Variants in RPH3A observed in about 807,000 individuals in gnomAD.
The protein encoded by RPH3A is rabphilin 3A.
In RPH3A, 48 loss-of-function variants were observed where a neutral mutation model predicts 102.2. The observed-to-expected ratio is 0.47, with a 90% CI of 0.37 to 0.60. The LOEUF is 0.60. Among genes scored for constraint, RPH3A ranks in the 20% least tolerant of loss-of-function variants. The pLI, the probability that RPH3A is intolerant of heterozygous loss-of-function variation, is 0.00. For missense variants in RPH3A, 781 were observed against 910.1 expected (o/e 0.86, Z 1.83); for synonymous variants, 310 against 324.3 (o/e 0.96, Z 0.47).
chr12:112,820,770 C>G (rs1274331757), intron 2 of RPH3A, among the ~76,000 whole-genome samples: 1 of 152,194 alleles, frequency 6.6e-6, no homozygotes, highest in Non-Finnish European at 1.5e-5. Context: ...ACTTTAAAAT[C>G]TGTGAAATGG....
chr12:112,592,031 C>A (rs938806271), intron 1 of RPH3A, among the ~76,000 whole-genome samples: 2 of 152,060 alleles, frequency 1.3e-5, no homozygotes, highest in Admixed American at 1.3e-4. Flanking sequence ...TAAATCACTT[C>A]GAGATTATTT....
chr12:112,713,123 G>T (rs1231617293), intron 1 of RPH3A, among the ~76,000 whole-genome samples: 1 of 136,868 alleles, frequency 7.3e-6, no homozygotes, highest in African/African-American at 2.8e-5. Flanking sequence ...GTAGAGAAAG[G>T]GTCTCACCAT....
chr12:112,842,535 C>G (rs2042163282), intron 4 of RPH3A, among the ~76,000 whole-genome samples: 1 of 152,174 alleles, frequency 6.6e-6, no homozygotes, highest in African/African-American at 2.4e-5. Flanking sequence ...TCCTGCGTCC[C>G]CTCTCTTAGG....
In RPH3A at chr12:112,585,854, C is replaced by T. The variant is rs929356613; in HGVS notation, c.-140+10535C>T. On this transcript the variant is annotated intron_variant, in intron 1 of 21. Coordinates refer to the RPH3A transcript ENST00000543106. ...GTTGAGATTCAATAAGGACCAAGAGCCCTCTAGATAAGTAGAACTCAAACT... is the reference window on the plus strand; with the variant it reads ...GTTGAGATTCAATAAGGACCAAGAGTCCTCTAGATAAGTAGAACTCAAACT... Among the ~76,000 whole-genome samples, 5 of 152,144 alleles carry T rather than the reference C, an allele frequency of 3.3e-5. No individual in the cohort carries two copies. The East Asian group carries it at 5.8e-4, about 18-fold the overall frequency.
intron 1 of RPH3A, among the ~76,000 whole-genome samples, chr12:112,669,073 G>T (rs2040109643): frequency 1.3e-5 from 2 of 152,172 alleles, no homozygotes; most frequent in African/African-American, 4.8e-5. Context: ...ATGATAACCA[G>T]AGTTGCTGGG....
At chr12:112,871,340 A>G (rs1260015301) in intron 10 of RPH3A, among the ~76,000 whole-genome samples, 1 of 152,202 alleles carries the variant, frequency 6.6e-6, no homozygotes, top group Non-Finnish European at 1.5e-5. Flanking sequence ...TATCCATTAA[A>G]TAATTCCACA....
intron 1 of RPH3A, among the ~76,000 whole-genome samples, chr12:112,628,878 G>T (rs958775899): frequency 6.6e-6 from 1 of 152,140 alleles, no homozygotes. Flanking sequence ...GAGGGAAAAA[G>T]CAGGGAGACC....
Position 112,868,523 on chromosome 12 carries a change from C to A in RPH3A, c.538C>A (p.Pro180Thr), listed in dbSNP as rs1319310664. 14 of 1,614,056 alleles carry A rather than the reference C, an allele frequency of 8.7e-6. No individual in the cohort carries two copies. The highest frequency in any genetic ancestry group is 1.1e-5 in the Non-Finnish European group (13 of 1,180,034). ...MPIKKTKPQQ[P>T]VSEPAAPEQP... ...TATAAAGAAGACCAAGCCCCAGCAGCCTGTCAGTGAGCCTGCTGCCCCTGA... is the reference window on the plus strand; with the variant it reads ...TATAAAGAAGACCAAGCCCCAGCAGACTGTCAGTGAGCCTGCTGCCCCTGA... Residue 180 changes from proline to threonine, a missense_variant, in exon 8 of 22, where the codon CCT becomes ACT. Around this residue, in one of 2 missense-constraint regions of RPH3A, gnomAD observed 730 missense variants for 810.0 expected, o/e 0.90. Coordinates refer to ENST00000389385, the MANE Select transcript of RPH3A (RefSeq NM_001143854.2).
At chr12:112,781,240 C>T (rs1332072658) in intron 1 of RPH3A, among the ~76,000 whole-genome samples, 1 of 152,146 alleles carries the variant, frequency 6.6e-6, no homozygotes, top group Non-Finnish European at 1.5e-5. Context: ...TCCTCTGGAA[C>T]TTACCTGGTT....
intron 5 of RPH3A, among the ~76,000 whole-genome samples, chr12:112,861,484 G>T (rs114982687): frequency 0.013 from 1,997 of 152,294 alleles, 49 homozygotes; most frequent in African/African-American, 0.044. Context: ...AGGTTGGCCT[G>T]TTCAAGGCGA....
At chr12:112,748,804 T>G (rs2040765178) in intron 1 of RPH3A, among the ~76,000 whole-genome samples, 1 of 152,184 alleles carries the variant, frequency 6.6e-6, no homozygotes, top group Non-Finnish European at 1.5e-5. Context: ...TGCCACCAGA[T>G]GTTGACACAC....
At chr12:112,588,400 G>A (rs775645427) in intron 1 of RPH3A, among the ~76,000 whole-genome samples, 24 of 152,274 alleles carry the variant, frequency 1.6e-4, no homozygotes, top group Middle Eastern at 3.4e-3. Context: ...AAGAAAGTGC[G>A]TGCAGGGGAA....
At chr12:112,679,545 C>A (rs1049841938) in intron 1 of RPH3A, among the ~76,000 whole-genome samples, 1 of 152,210 alleles carries the variant, frequency 6.6e-6, no homozygotes, top group African/African-American at 2.4e-5. Context: ...CCTGCCTCAA[C>A]CTCCTGAGTA....
chr12:112,807,420 G>A (rs1197862205), intron 2 of RPH3A, among the ~76,000 whole-genome samples: 1 of 152,144 alleles, frequency 6.6e-6, no homozygotes, highest in Admixed American at 6.5e-5. Flanking sequence ...CAGATGTGGG[G>A]CCCCTTCCTG....
At chr12:112,796,833 T>C (rs1593009055) in intron 2 of RPH3A, among the ~76,000 whole-genome samples, 1 of 152,170 alleles carries the variant, frequency 6.6e-6, no homozygotes, top group East Asian at 1.9e-4. Context: ...GTGGATTACT[T>C]GAGGTCAGGA....
chr12:112,727,951 G>A (rs562400293), intron 1 of RPH3A, among the ~76,000 whole-genome samples: 9 of 152,214 alleles, frequency 5.9e-5, no homozygotes, highest in South Asian at 2.1e-4. Context: ...CCAGACCTCA[G>A]CCCAATAGTC....
At chr12:112,807,246 C>T (rs529878711) in intron 2 of RPH3A, among the ~76,000 whole-genome samples, 1 of 152,266 alleles carries the variant, frequency 6.6e-6, no homozygotes, top group East Asian at 1.9e-4. Context: ...AAGGCAAGAA[C>T]TTGGAGAGGC....
chr12:112,640,219 G>A (rs1305077928), intron 1 of RPH3A, among the ~76,000 whole-genome samples: 1 of 151,090 alleles, frequency 6.6e-6, no homozygotes, highest in Non-Finnish European at 1.5e-5. Context: ...CAGCTACTCT[G>A]GAGGCTGAGG....
chr12:112,668,061 C>T (rs989146910), intron 1 of RPH3A, among the ~76,000 whole-genome samples: 3 of 152,202 alleles, frequency 2.0e-5, no homozygotes, highest in Non-Finnish European at 4.4e-5. Context: ...CCATGTTATA[C>T]ACTTCCATGG....
Sources: gnomAD v4.1 joint callset for allele counts (sites outside exome capture counted in the v4.1 genomes callset) on GRCh38, gnomAD v4.1.1 for gene constraint, gnomAD v4.1.1 regional missense constraint, MANE v1.5 for transcripts, NCBI Gene and HGNC (gene_info 2026-07-23, HGNC 2026-07-21) for gene names.